AGAP1: variants seen among roughly 807,000 people sequenced by gnomAD.
The protein encoded by AGAP1 is ArfGAP with GTPase domain, ankyrin repeat and PH domain 1, also known as arf-GAP with GTPase, ANK repeat and PH domain-containing protein 1.
AGAP1 carries 29 observed loss-of-function variants against 105.3 expected under a neutral mutation model. The ratio of observed to expected loss-of-function variants is 0.28; its 90% CI spans 0.21 to 0.38. The LOEUF is 0.38. Among genes scored for constraint, AGAP1 ranks in the 10% least tolerant of loss-of-function variants. The pLI is 1.00. For missense variants in AGAP1, 998 were observed against 1,165.1 expected, an observed-to-expected ratio of 0.86 and a Z score of 2.09; for synonymous variants, 509 against 485.9, an observed-to-expected ratio of 1.05 and a Z score of -0.63.
At chr2:235,648,413 C>T (rs6431396) in intron 1 of AGAP1, among the ~76,000 whole-genome samples, 1 of 152,018 alleles carries the variant, frequency 6.6e-6, no homozygotes, top group Admixed American at 6.5e-5. Context: ...AGAGTCTGCA[C>T]ATGACAGCTC....
Position 235,904,092 on chromosome 2 carries a change from A to G in AGAP1, c.1156-4646A>G, listed in dbSNP as rs966020413. Among the ~76,000 whole-genome samples, 3 of 152,222 alleles carry G rather than the reference A, an allele frequency of 2.0e-5. No individual in the cohort carries two copies. Reference sequence around the variant, plus strand: ...CACCTCATTTGCATCTGGGACATCAATTAGCATGTTTGTTGAGGCTAATTG... The same window carrying G: ...CACCTCATTTGCATCTGGGACATCAGTTAGCATGTTTGTTGAGGCTAATTG... On this transcript the variant is annotated intron_variant, in intron 10 of 17. Transcript: ENST00000304032. The surrounding 1 kb of genome is among the most constrained non-coding windows in gnomAD (Gnocchi z 4.2).
chr2:235,736,956 C>T lies in AGAP1; in HGVS notation c.311-4007C>T, dbSNP rs1329829307. 1.3e-5 allele frequency among the ~76,000 whole-genome samples: 2 copies of T among 152,168 alleles called. No individual in the cohort carries two copies. The highest frequency in any genetic ancestry group is 2.9e-5 in the Non-Finnish European group (2 of 68,040). ...TGCAAGTGGTGGTGCCTGCAGAGTA[C>T]CAGCTTGTTGCCAACGATGCTGTCA... On this transcript the variant is annotated intron_variant, in intron 3 of 17. Coordinates refer to ENST00000304032, the MANE Select transcript of AGAP1 (RefSeq NM_001037131.3). This position sits in a 1 kb window ranked among gnomAD's most constrained non-coding sequence, Gnocchi z 5.5.
intron 1 of AGAP1, among the ~76,000 whole-genome samples, chr2:235,531,007 C>T (rs1054096130): frequency 2.6e-5 from 4 of 152,186 alleles, no homozygotes; most frequent in Non-Finnish European, 5.9e-5. Context: ...AGGCTCTTGG[C>T]GGTCTCCACA....
rs188990451 is a variant in AGAP1 at position 236,108,664 on chromosome 2, G to A, written c.2115-11528G>A. On this transcript the variant is annotated intron_variant, in intron 16 of 17. Transcript: ENST00000304032. Reference sequence around the variant, plus strand: ...ATGAGCACATTAGACTTGACCTGGAGTGCACTTTCGGGAAGGGGTGTTGCT... The same window carrying A: ...ATGAGCACATTAGACTTGACCTGGAATGCACTTTCGGGAAGGGGTGTTGCT... Among the ~76,000 whole-genome samples, 61 of 152,320 alleles carry A rather than the reference G, an allele frequency of 4.0e-4. No individual in the cohort carries two copies. The East Asian group carries it at 9.6e-3, about 24-fold the overall frequency.
At chr2:235,923,625 C>G (rs572838555) in intron 11 of AGAP1, among the ~76,000 whole-genome samples, 28 of 150,790 alleles carry the variant, frequency 1.9e-4, no homozygotes, top group Admixed American at 9.3e-4. Context: ...TCGTGCTTGT[C>G]TCCGGCTCTG....
intron 13 of AGAP1, among the ~76,000 whole-genome samples, chr2:235,969,104 T>C (rs1360580603): frequency 6.6e-6 from 1 of 152,244 alleles, no homozygotes; most frequent in Non-Finnish European, 1.5e-5. Flanking sequence ...CTTCTGTTAA[T>C]GTCCATCAGC....
intron 1 of AGAP1, among the ~76,000 whole-genome samples, chr2:235,644,186 T>C (rs1947296309): frequency 6.6e-6 from 1 of 152,232 alleles, no homozygotes; most frequent in South Asian, 2.1e-4. Context: ...TGGGAAGTAC[T>C]GGATGGAATC....
intron 1 of AGAP1, chr2:235,670,250 C>A: frequency 1.9e-6 from 1 of 534,278 alleles, no homozygotes; most frequent in South Asian, 2.2e-5. Flanking sequence ...CGGCCCGGAC[C>A]CACGCCCGGT....
chr2:235,850,240 A>G (rs1338240892), intron 9 of AGAP1, among the ~76,000 whole-genome samples: 1 of 152,222 alleles, frequency 6.6e-6, no homozygotes, highest in African/African-American at 2.4e-5. Context: ...GCGTGTTCCA[A>G]CTCTGCAGAA....
At chr2:235,942,506 C>T (rs755925069) in intron 12 of AGAP1, among the ~76,000 whole-genome samples, 41 of 151,858 alleles carry the variant, frequency 2.7e-4, no homozygotes, top group Non-Finnish European at 4.6e-4. Context: ...GGAGATACCC[C>T]GTCTCTGCTA....
At position 235,830,044 on chromosome 2, in the gene AGAP1, G is replaced by A. The variant is rs1391948056; in HGVS notation, c.1050+22713G>A. On this transcript the variant is annotated intron_variant, in intron 9 of 17. Coordinates refer to ENST00000304032, the MANE Select transcript of AGAP1 (RefSeq NM_001037131.3). This position sits in a 1 kb window ranked among gnomAD's most constrained non-coding sequence, Gnocchi z 5.5. ...ACAGTCAGAAGGAAGACTGGGGGTCGGGGTGGGACAGCATGATGCAGAGCT... is the reference window on the plus strand; with the variant it reads ...ACAGTCAGAAGGAAGACTGGGGGTCAGGGTGGGACAGCATGATGCAGAGCT... Among the ~76,000 whole-genome samples, 1 of 152,158 alleles carries A rather than the reference G, an allele frequency of 6.6e-6. No individual in the cohort carries two copies. The highest frequency in any genetic ancestry group is 1.5e-5 in the Non-Finnish European group (1 of 68,036).
In AGAP1 at chr2:235,701,481, TC is replaced by T. The variant is rs1438295561; in HGVS notation, c.164-7696del. ...TGAATGGCAAGGTCAGGGGATGCTGTCCGGACATGTCAGGATGGGAAACTGT... is the reference window on the plus strand; with the variant it reads ...TGAATGGCAAGGTCAGGGGATGCTGTCGGACATGTCAGGATGGGAAACTGT... On this transcript the variant is annotated intron_variant, in intron 1 of 17. Transcript: ENST00000304032. The surrounding 1 kb of genome is among the most constrained non-coding windows in gnomAD (Gnocchi z 4.1). Among the ~76,000 whole-genome samples, 1 of 152,116 alleles carries T rather than the reference TC, an allele frequency of 6.6e-6. No individual in the cohort carries two copies. Among genetic ancestry groups the T allele is most frequent in the Admixed American group, 6.5e-5 (1 of 15,268 alleles).
chr2:236,013,931 C>T (rs1038386748), intron 13 of AGAP1, among the ~76,000 whole-genome samples: 5 of 152,068 alleles, frequency 3.3e-5, no homozygotes, highest in African/African-American at 1.2e-4. Context: ...CCACAGATGT[C>T]AGCATTTCTG....
intron 1 of AGAP1, among the ~76,000 whole-genome samples, chr2:235,575,854 G>A (rs1944714931): frequency 6.6e-6 from 1 of 152,114 alleles, no homozygotes; most frequent in Non-Finnish European, 1.5e-5. Flanking sequence ...AGATTGGGGA[G>A]GGAAGTCTGT....
In AGAP1 at chr2:235,601,705, C is replaced by T. The variant is rs1448689442; in HGVS notation, c.163+106856C>T. Among the ~76,000 whole-genome samples, 2 of 152,122 alleles carry T rather than the reference C, an allele frequency of 1.3e-5. No homozygotes were observed. Among genetic ancestry groups the T allele is most frequent in the Admixed American group, 1.3e-4 (2 of 15,270 alleles). ...ACACAGCCAAACCATATCACCAGTC[C>T]GTGGAGCCAGGTGTGGTGGCTCACA... On this transcript the variant is annotated intron_variant, in intron 1 of 17. Transcript: ENST00000304032. The surrounding 1 kb of genome is among the most constrained non-coding windows in gnomAD (Gnocchi z 4.4).
intron 16 of AGAP1, among the ~76,000 whole-genome samples, chr2:236,102,555 T>C (rs867124576): frequency 2.7e-5 from 4 of 148,292 alleles, no homozygotes; most frequent in South Asian, 4.3e-4. Context: ...GTCATTGCAC[T>C]CCAGCCTGGG....
chr2:235,839,448 TAAAA>T (rs1254393731), intron 9 of AGAP1, among the ~76,000 whole-genome samples: 3 of 152,222 alleles, frequency 2.0e-5, no homozygotes, highest in Admixed American at 1.3e-4. Flanking sequence ...CTGGAGAGCT[TAAAA>T]AAGCAAAAAG....
intron 9 of AGAP1, among the ~76,000 whole-genome samples, chr2:235,816,327 A>G (rs983037375): frequency 6.6e-6 from 1 of 151,748 alleles, no homozygotes; most frequent in East Asian, 1.9e-4. Context: ...AGTCCCAGCT[A>G]CTTGGGAGCC....
intron 1 of AGAP1, among the ~76,000 whole-genome samples, chr2:235,680,538 C>T (rs944403948): frequency 2.9e-4 from 44 of 152,162 alleles, no homozygotes; most frequent in African/African-American, 1.0e-3. Context: ...CAGGCATCCT[C>T]TTGAAGCCAT....
Sources: allele counts gnomAD v4.1 joint callset (sites outside exome capture counted in the v4.1 genomes callset), GRCh38; gene constraint gnomAD v4.1.1; non-coding constraint Gnocchi (gnomAD v3.1); transcripts MANE v1.5; gene names NCBI Gene and HGNC (gene_info 2026-07-23, HGNC 2026-07-21).